PTPRD: variants seen among roughly 807,000 people sequenced by gnomAD.
PTPRD encodes protein tyrosine phosphatase receptor type D.
Under a neutral mutation model 214.5 loss-of-function variants are expected in PTPRD, and 34 were observed. That is an observed-to-expected ratio of 0.16 (90% CI 0.12 to 0.21). The LOEUF (loss-of-function observed/expected upper bound fraction) is 0.21, where lower values mean the gene tolerates loss of function less well. Among genes scored for constraint, PTPRD ranks in the 10% least tolerant of loss-of-function variants. PTPRD has a pLI of 1.00. For missense variants in PTPRD, 2,545 were observed against 2,398.7 expected, an observed-to-expected ratio of 1.06 and a Z score of -1.27; for synonymous variants, 1,128 against 845.7, an observed-to-expected ratio of 1.33 and a Z score of -5.79.
intron 3 of PTPRD, among the ~76,000 whole-genome samples, chr9:10,278,938 C>T (rs538645184): frequency 6.6e-6 from 1 of 152,042 alleles, no homozygotes; most frequent in Non-Finnish European, 1.5e-5. Context: ...CCACGCCAGG[C>T]TAATTTTTTG....
At chr9:9,156,760 C>T (rs2099881534) in intron 10 of PTPRD, among the ~76,000 whole-genome samples, 1 of 152,154 alleles carries the variant, frequency 6.6e-6, no homozygotes, top group African/African-American at 2.4e-5. Flanking sequence ...TTAGAGTCTT[C>T]TCCATTTAGC....
At position 9,716,047 on chromosome 9, in the gene PTPRD, C is replaced by T. The variant is rs868722562; in HGVS notation, c.-287+18486G>A. Among the ~76,000 whole-genome samples, 20 of 151,180 alleles carry T rather than the reference C, an allele frequency of 1.3e-4. No homozygotes were observed. In the Middle Eastern group the frequency reaches 0.01, roughly 77 times the overall value. On this transcript the variant is annotated intron_variant, in intron 7 of 45. Coordinates refer to ENST00000381196, the MANE Select transcript of PTPRD (RefSeq NM_002839.4). ...GTCCCCAGAGTGTGATGTCCCCCTTCCTGTGTCCATGTGATCTCATTGTTC... is the reference window on the plus strand; with the variant it reads ...GTCCCCAGAGTGTGATGTCCCCCTTTCTGTGTCCATGTGATCTCATTGTTC...
intron 7 of PTPRD, among the ~76,000 whole-genome samples, chr9:9,576,622 A>C (rs559535162): frequency 6.6e-6 from 1 of 152,146 alleles, no homozygotes; most frequent in Non-Finnish European, 1.5e-5. Context: ...CAGCAAATTA[A>C]ATTTTGGTTA....
chr9:8,811,756 G>A (rs779854368), intron 11 of PTPRD, among the ~76,000 whole-genome samples: 33 of 152,208 alleles, frequency 2.2e-4, no homozygotes, highest in Non-Finnish European at 3.5e-4. Flanking sequence ...CAACGCAGTC[G>A]TAATTCAATT....
chr9:10,034,925 T>C (rs2097150701), intron 3 of PTPRD, among the ~76,000 whole-genome samples: 1 of 152,168 alleles, frequency 6.6e-6, no homozygotes, highest in Non-Finnish European at 1.5e-5. Flanking sequence ...ACAATTCATA[T>C]TCCTTTGAGT....
intron 11 of PTPRD, among the ~76,000 whole-genome samples, chr9:8,997,551 C>T (rs1045568616): frequency 8.6e-5 from 13 of 152,024 alleles, no homozygotes; most frequent in African/African-American, 2.2e-4. Flanking sequence ...CTCCACCAAC[C>T]GGCCATTCTC....
At chr9:8,807,634 T>C (rs867566247) in intron 11 of PTPRD, among the ~76,000 whole-genome samples, 2 of 151,856 alleles carry the variant, frequency 1.3e-5, no homozygotes, top group Admixed American at 6.6e-5. Flanking sequence ...CTTTCTCTAA[T>C]ATGGATTTGG....
chr9:9,657,925 A>C (rs1414286351), intron 7 of PTPRD, among the ~76,000 whole-genome samples: 1 of 152,210 alleles, frequency 6.6e-6, no homozygotes, highest in East Asian at 1.9e-4. Flanking sequence ...GATGGGTCCC[A>C]ATGGCCCTTA....
At position 10,071,957 on chromosome 9, in the gene PTPRD, A is replaced by G. The variant is rs1262806932; in HGVS notation, c.-544-38167T>C. Among the ~76,000 whole-genome samples the G allele has an allele frequency of 5.3e-5, 8 of 152,078 alleles. No homozygotes were observed. The East Asian group carries it at 1.6e-3, about 30-fold the overall frequency. On this transcript the variant is annotated intron_variant, in intron 3 of 45. Transcript: ENST00000381196. ...ACTAAATTATATATTCTGTAAATGA[A>G]GAGATCCTGTGTATTTGCTACTTAG...
rs184480843 is a variant in PTPRD at position 10,215,460 on chromosome 9, A to G, written c.-545+125503T>C. Among the ~76,000 whole-genome samples the G allele has an allele frequency of 1.3e-4, 20 of 152,262 alleles. No homozygotes were observed. The East Asian group carries it at 3.9e-3, about 29-fold the overall frequency. On this transcript the variant is annotated intron_variant, in intron 3 of 45. Transcript: ENST00000381196. The stretch of plus-strand genomic sequence containing the variant: ...ATGTAAATTTAACCTCGTGAGACAC[A>G]TTTTAATATGTATCAGGCCTACATA...
intron 3 of PTPRD, among the ~76,000 whole-genome samples, chr9:10,230,908 C>G (rs943855179): frequency 1.3e-5 from 2 of 151,956 alleles, no homozygotes; most frequent in African/African-American, 4.8e-5. Flanking sequence ...CATATTTATG[C>G]TAATAACTCT....
chr9:9,008,518 G>A (rs765367919), intron 11 of PTPRD, among the ~76,000 whole-genome samples: 26 of 151,806 alleles, frequency 1.7e-4, no homozygotes, highest in Non-Finnish European at 3.5e-4. Context: ...GAGCCACCGC[G>A]CCCGGCCTCC....
chr9:9,943,391 G>A (rs1379373013), intron 4 of PTPRD, among the ~76,000 whole-genome samples: 3 of 152,096 alleles, frequency 2.0e-5, no homozygotes, highest in East Asian at 1.9e-4. Flanking sequence ...GTATCACAAC[G>A]TCAGGTCAGT....
intron 37 of PTPRD, among the ~76,000 whole-genome samples, chr9:8,379,757 G>C (rs943536782): frequency 6.6e-6 from 1 of 152,122 alleles, no homozygotes; most frequent in African/African-American, 2.4e-5. Flanking sequence ...GAGTACATAA[G>C]AACTAGAAGG....
intron 7 of PTPRD, among the ~76,000 whole-genome samples, chr9:9,695,701 TC>T (rs371790849): frequency 1.7e-3 from 263 of 152,338 alleles, no homozygotes; most frequent in African/African-American, 6.1e-3. Flanking sequence ...TGCATCATGT[TC>T]ACTGTTTTGC....
chr9:9,147,453 T>G (rs1249138114), intron 10 of PTPRD, among the ~76,000 whole-genome samples: 1 of 152,140 alleles, frequency 6.6e-6, no homozygotes, highest in Non-Finnish European at 1.5e-5. Flanking sequence ...ACTTATTCTC[T>G]CCTTCTAAGT....
At chr9:10,337,387 A>T (rs2096862245) in intron 3 of PTPRD, among the ~76,000 whole-genome samples, 2 of 151,770 alleles carry the variant, frequency 1.3e-5, no homozygotes, top group African/African-American at 4.8e-5. Flanking sequence ...ATGGATTTAG[A>T]TATAGTTTCA....
At chr9:10,001,624 C>CTA (rs1217190356) in intron 4 of PTPRD, among the ~76,000 whole-genome samples, 1 of 152,066 alleles carries the variant, frequency 6.6e-6, no homozygotes, top group Non-Finnish European at 1.5e-5. Flanking sequence ...AAGAAAAAGA[C>CTA]TATCACATAA....
At chr9:10,589,295 A>T (rs972675109) in intron 2 of PTPRD, among the ~76,000 whole-genome samples, 1 of 152,050 alleles carries the variant, frequency 6.6e-6, no homozygotes, top group Non-Finnish European at 1.5e-5. Flanking sequence ...CACAGCCTAT[A>T]AGAGGGAAGA....
Sources: gnomAD v4.1 joint callset for allele counts (sites outside exome capture counted in the v4.1 genomes callset) on GRCh38, gnomAD v4.1.1 for gene constraint, MANE v1.5 for transcripts, NCBI Gene and HGNC (gene_info 2026-07-23, HGNC 2026-07-21) for gene names.